Variants in TMEM182 observed in about 807,000 individuals in gnomAD.
TMEM182 encodes transmembrane protein 182.
Under a neutral mutation model 26.8 loss-of-function variants are expected in TMEM182, and 20 were observed. The ratio of observed to expected loss-of-function variants is 0.75; its 90% CI spans 0.53 to 1.09. The LOEUF (loss-of-function observed/expected upper bound fraction) is 1.09. Among genes scored for constraint, TMEM182 ranks in the 50% least tolerant of loss-of-function variants. The probability of loss-of-function intolerance (pLI) is 0.00; values close to 1 mark genes in which losing one functional copy is unlikely to be tolerated. For synonymous variants in TMEM182, 109 were observed against 102.2 expected (o/e 1.07, Z -0.40); for missense variants, 277 against 275.5 (o/e 1.01, Z -0.04).
upstream of TMEM182, among the ~76,000 whole-genome samples, chr2:102,757,097 A>C (rs1680062871): frequency 6.6e-6 from 1 of 152,144 alleles, no homozygotes; most frequent in Non-Finnish European, 1.5e-5. Context: ...GGTGTGAGCC[A>C]CCGGGCCTGG....
rs1682701150 is a variant in TMEM182 at position 102,815,228 on chromosome 2, C to T, written c.*260C>T. 1 of 1,259,080 alleles carries T rather than the reference C, an allele frequency of 7.9e-7. No homozygotes were observed. The highest frequency in any genetic ancestry group is 1.5e-5 in the African/African-American group (1 of 64,872). 78.0% of individuals were successfully genotyped at this position (1,259,080 alleles called of 1,614,324 possible). A position where few individuals can be genotyped will look rare whatever the true frequency, so the allele number is the denominator to read the frequency against. ...GTAAACAGGTCTCCCTTTCATTGAA[C>T]ATGTTAGAGTTCATGCAGGTCGCAA... On this transcript the variant is annotated 3_prime_UTR_variant, in exon 5 of 5. Coordinates refer to ENST00000412401, the MANE Select transcript of TMEM182 (RefSeq NM_144632.5).
intron 3 of TMEM182, among the ~76,000 whole-genome samples, chr2:102,836,680 A>G (rs1683253168): frequency 6.6e-6 from 1 of 151,850 alleles, no homozygotes; most frequent in African/African-American, 2.4e-5. Flanking sequence ...TTGCTTGTCC[A>G]CTCCCTGCTT....
In TMEM182 at chr2:102,815,946, A is replaced by G; in HGVS notation, c.*978A>G. 1 of 983,620 alleles carries G rather than the reference A, an allele frequency of 1.0e-6. No individual in the cohort carries two copies. The highest frequency in any genetic ancestry group is 1.2e-6 in the Non-Finnish European group (1 of 828,352). 60.9% of individuals were successfully genotyped at this position (983,620 alleles called of 1,614,324 possible). ...GACCATAAAATATTAACTTTCCCCA[A>G]GATGTTATGGGTTCCAGTTCTTCTG... On this transcript the variant is annotated 3_prime_UTR_variant, in exon 5 of 5. Transcript: ENST00000412401.
At chr2:102,843,830 G>A (rs868015556) in exon 4 of TMEM182, 6 of 152,154 alleles carry the variant, frequency 3.9e-5, no homozygotes, top group African/African-American at 1.4e-4. Context: ...AAGGCAATTT[G>A]GGATTATAGT....
intron 1 of TMEM182, among the ~76,000 whole-genome samples, chr2:102,738,805 C>T (rs1558747230): frequency 6.6e-6 from 1 of 152,046 alleles, no homozygotes; most frequent in Non-Finnish European, 1.5e-5. Context: ...GTAGTTTAGT[C>T]AGTTGGTTGA....
At chr2:102,747,948 T>A (rs1679760623) in intron 1 of TMEM182, among the ~76,000 whole-genome samples, 1 of 152,152 alleles carries the variant, frequency 6.6e-6, no homozygotes, top group Non-Finnish European at 1.5e-5. Flanking sequence ...ACAGAAAGTG[T>A]GTGTGTGTGT....
Position 102,817,089 on chromosome 2 carries a change from C to T in TMEM182, c.*2121C>T, listed in dbSNP as rs1392315364. ...CAAGCACATTTCTTGATCAATTTACCAGCAACCCTCTGAAGGAATGAAGGA... is the reference window on the plus strand; with the variant it reads ...CAAGCACATTTCTTGATCAATTTACTAGCAACCCTCTGAAGGAATGAAGGA... On this transcript the variant is annotated 3_prime_UTR_variant, in exon 5 of 5. Coordinates refer to ENST00000412401, the MANE Select transcript of TMEM182 (RefSeq NM_144632.5). The T allele has an allele frequency of 1.0e-6, 1 of 985,362 alleles. No homozygotes were observed. The highest frequency in any genetic ancestry group is 1.2e-6 in the Non-Finnish European group (1 of 829,912). The allele number at this position is 985,362 out of a possible 1,614,324, so 61.0% of individuals were successfully genotyped here.
At position 102,814,851 on chromosome 2, in the gene TMEM182, C is replaced by T; in HGVS notation, c.573C>T (p.Phe191=). The change falls in exon 5 of 5, where the codon TTC becomes TTT. Residue 191 remains phenylalanine (F), a synonymous_variant. Transcript: ENST00000412401. The stretch of plus-strand genomic sequence containing the variant: ...TGAAAATGAAGGACTGCCTGGATTT[C>T]ACCCCTTCTGTTCTGTATGGCTGGT... The part of the protein sequence containing the change: ...RNMKMKDCLD[F]TPSVLYGWSF... The T allele has an allele frequency of 6.2e-7, 1 of 1,613,816 alleles. No individual in the cohort carries two copies.
intron 3 of TMEM182, among the ~76,000 whole-genome samples, chr2:102,826,991 A>T (rs114634435): frequency 2.1e-3 from 315 of 152,318 alleles, no homozygotes; most frequent in African/African-American, 6.9e-3. Context: ...CAGCAAGATA[A>T]TGAAAAACTG....
At chr2:102,763,587 G>A (rs766948850) in intron 2 of TMEM182, among the ~76,000 whole-genome samples, 12 of 152,184 alleles carry the variant, frequency 7.9e-5, no homozygotes, top group Non-Finnish European at 1.6e-4. Flanking sequence ...TGATGAAGCA[G>A]CGTTTTGAGG....
At chr2:102,839,539 GATTTT>G (rs1487405890) in intron 3 of TMEM182, among the ~76,000 whole-genome samples, 2 of 149,970 alleles carry the variant, frequency 1.3e-5, no homozygotes, top group Non-Finnish European at 3.0e-5. Flanking sequence ...TAAAAGAGTA[GATTTT>G]AAAGATCTAA....
At chr2:102,841,728 A>G (rs557613309) in intron 3 of TMEM182, among the ~76,000 whole-genome samples, 1 of 152,332 alleles carries the variant, frequency 6.6e-6, no homozygotes, top group South Asian at 2.1e-4. Flanking sequence ...GGCAATAGCT[A>G]TATCAATTTT....
intron 3 of TMEM182, among the ~76,000 whole-genome samples, chr2:102,786,802 A>G (rs1003114867): frequency 6.6e-6 from 1 of 152,150 alleles, no homozygotes; most frequent in African/African-American, 2.4e-5. Flanking sequence ...TTACATGCCA[A>G]CCATAAAGCT....
chr2:102,822,472 G>A (rs796981801), downstream of TMEM182, among the ~76,000 whole-genome samples: 4 of 152,326 alleles, frequency 2.6e-5, no homozygotes, highest in African/African-American at 9.6e-5. Context: ...GTGATCTTTG[G>A]AGATGGAAGT....
At chr2:102,774,643 A>T (rs1372201536) in intron 3 of TMEM182, among the ~76,000 whole-genome samples, 1 of 152,118 alleles carries the variant, frequency 6.6e-6, no homozygotes, top group Non-Finnish European at 1.5e-5. Context: ...TTTTTGTATA[A>T]GATGTGAGTC....
intron 3 of TMEM182, among the ~76,000 whole-genome samples, chr2:102,794,553 A>G (rs974526009): frequency 7.9e-5 from 12 of 152,148 alleles, no homozygotes; most frequent in East Asian, 1.9e-4. Context: ...CCTTCTTTCT[A>G]TATTTTCACC....
chr2:102,801,371 A>T (rs924682558), intron 4 of TMEM182, among the ~76,000 whole-genome samples: 2 of 152,138 alleles, frequency 1.3e-5, no homozygotes, highest in African/African-American at 2.4e-5. Context: ...CTTTATACAC[A>T]CTTCAAAAAG....
At chr2:102,766,538 AC>A (rs1253733322) in intron 3 of TMEM182, among the ~76,000 whole-genome samples, 2 of 152,208 alleles carry the variant, frequency 1.3e-5, no homozygotes, top group Non-Finnish European at 2.9e-5. Context: ...ATAATAATAT[AC>A]AAGGAAATTT....
chr2:102,840,217 G>A (rs1006603814), intron 3 of TMEM182, among the ~76,000 whole-genome samples: 55 of 152,196 alleles, frequency 3.6e-4, no homozygotes, highest in Admixed American at 2.0e-3. Flanking sequence ...GGGGAGGGAT[G>A]AGGGAGTGGG....
Sources: gnomAD v4.1 joint callset for allele counts (sites outside exome capture counted in the v4.1 genomes callset) on GRCh38, gnomAD v4.1.1 for gene constraint, MANE v1.5 for transcripts, NCBI Gene and HGNC (gene_info 2026-07-23, HGNC 2026-07-21) for gene names.